The following ANKRD12 variants were observed in gnomAD, a reference collection of about 807,000 sequenced individuals.
ANKRD12 encodes ankyrin repeat domain-containing protein 12.
In ANKRD12, 85 loss-of-function variants were observed where a neutral mutation model predicts 183.4. The observed-to-expected ratio is 0.46, with a 90% CI of 0.39 to 0.56. ANKRD12 has a LOEUF of 0.56. ANKRD12 is among the 20% of genes least tolerant of loss of function. ANKRD12 has a pLI of 0.00. For synonymous variants in ANKRD12, 914 were observed against 800.2 expected (o/e 1.14, Z -2.40); for missense variants, 2,405 against 2,357.1 (o/e 1.02, Z -0.42).
At chr18:9,191,141 G>A (rs1034204843) in intron 2 of ANKRD12, among the ~76,000 whole-genome samples, 5 of 152,152 alleles carry the variant, frequency 3.3e-5, no homozygotes, top group African/African-American at 1.2e-4. Flanking sequence ...TGTGATGGCT[G>A]TTGCCAGTTA....
At chr18:9,197,910 A>G (rs1307441878) in intron 3 of ANKRD12, among the ~76,000 whole-genome samples, 1 of 152,172 alleles carries the variant, frequency 6.6e-6, no homozygotes, top group Non-Finnish European at 1.5e-5. Flanking sequence ...GGCTTTATTT[A>G]TAAATTTTAG....
intron 11 of ANKRD12, among the ~76,000 whole-genome samples, chr18:9,277,248 G>C (rs546077925): frequency 6.6e-6 from 1 of 151,948 alleles, no homozygotes; most frequent in African/African-American, 2.4e-5. Flanking sequence ...TTAAGCCAAG[G>C]AGTTCGAGCC....
intron 8 of ANKRD12, among the ~76,000 whole-genome samples, chr18:9,241,055 G>T (rs755920408): frequency 1.3e-5 from 2 of 152,126 alleles, no homozygotes; most frequent in African/African-American, 2.4e-5. Context: ...AATTATTTAA[G>T]TCAAAATGTA....
chr18:9,257,071 C>G lies in ANKRD12; in HGVS notation c.3804C>G (p.Asp1268Glu). Residue 1268 changes from aspartate (D) to glutamate (E), a missense_variant, in exon 9 of 13, where the codon GAC becomes GAG. Coordinates refer to ENST00000262126, the MANE Select transcript of ANKRD12 (RefSeq NM_015208.5). Reference protein sequence around the residue: ...LHERELDSLADLPERIKPPYA... With the variant: ...LHERELDSLAELPERIKPPYA... ...AAAGGGAATTGGACAGCCTGGCTGACTTGCCGGAGCGGATTAAACCACCAT... is the reference window on the plus strand; with the variant it reads ...AAAGGGAATTGGACAGCCTGGCTGAGTTGCCGGAGCGGATTAAACCACCAT... 1 of 1,614,138 alleles carries G rather than the reference C, an allele frequency of 6.2e-7. No individual in the cohort carries two copies. The highest frequency in any genetic ancestry group is 8.5e-7 in the Non-Finnish European group (1 of 1,179,990).
At chr18:9,236,173 A>G (rs1265293989) in intron 8 of ANKRD12, among the ~76,000 whole-genome samples, 1 of 152,162 alleles carries the variant, frequency 6.6e-6, no homozygotes, top group African/African-American at 2.4e-5. Context: ...AAATATAACA[A>G]TGGTAAAGGA....
intron 1 of ANKRD12, chr18:9,137,993 G>A (rs1447775749): frequency 6.6e-6 from 1 of 152,224 alleles, no homozygotes; most frequent in African/African-American, 2.4e-5. Context: ...TAGTCACCGG[G>A]ATTGTAATTT....
chr18:9,224,079 G>T (rs1432273035), intron 8 of ANKRD12, among the ~76,000 whole-genome samples: 8 of 152,132 alleles, frequency 5.3e-5, no homozygotes, highest in Non-Finnish European at 8.8e-5. Flanking sequence ...ATGAAACCAG[G>T]AGTTGCTTTT....
chr18:9,232,813 C>A (rs1020495615), intron 8 of ANKRD12, among the ~76,000 whole-genome samples: 2 of 148,344 alleles, frequency 1.3e-5, no homozygotes, highest in East Asian at 2.0e-4. Flanking sequence ...TTTTTTCTTT[C>A]TTTATTTTTG....
chr18:9,255,961 C>T lies in ANKRD12; in HGVS notation c.2694C>T (p.Asp898=), dbSNP rs61729632. 2.6e-3 allele frequency: 4,045 copies of T among 1,565,394 alleles called. 97 individuals carry two copies. The African/African-American group carries it at 0.05, about 19-fold the overall frequency. Residue 898 remains aspartate (D), a synonymous_variant, in exon 9 of 13, where the codon GAC becomes GAT. Coordinates refer to ENST00000262126, the MANE Select transcript of ANKRD12 (RefSeq NM_015208.5). ...SKNTAAIKKT[D]DREKSREKMD... is the part of the protein sequence containing the mutation. ...ATACTGCTGCTATTAAAAAAACTGA[C>T]GACAGAGAGAAAAGTAGAGAAAAGA...
At chr18:9,230,622 C>T (rs930535595) in intron 8 of ANKRD12, among the ~76,000 whole-genome samples, 2 of 150,424 alleles carry the variant, frequency 1.3e-5, no homozygotes, top group African/African-American at 4.9e-5. Context: ...TGCTGTGTCC[C>T]CAGGTTTTGG....
chr18:9,255,179 T>G lies in ANKRD12; in HGVS notation c.1912T>G (p.Cys638Gly). ...TAGTCCAACATTTGAAAATTCAGAT[T>G]GCACACTGAAAAAAATGGATAAAGA... Reference protein sequence around the residue: ...DHSPTFENSDCTLKKMDKEGK... With the variant: ...DHSPTFENSDGTLKKMDKEGK... The change falls in exon 9 of 13, where the codon TGC (cysteine) becomes GGC (glycine). Residue 638 changes from cysteine (C) to glycine (G), a missense_variant. Physicochemically the swap from Cys to Gly is radical, Grantham distance 159 (BLOSUM62 -3). This residue lies in a region of ANKRD12 where 1,983 missense variants were observed against 1,725.9 expected (regional missense o/e 1.15). Transcript: ENST00000262126. 6.3e-7 allele frequency: 1 copy of G among 1,584,666 alleles called. No homozygotes were observed. The highest frequency in any genetic ancestry group is 1.9e-5 in the Admixed American group (1 of 52,146).
chr18:9,209,491 A>G (rs887186353), intron 5 of ANKRD12, among the ~76,000 whole-genome samples: 11 of 152,132 alleles, frequency 7.2e-5, no homozygotes, highest in African/African-American at 2.7e-4. Flanking sequence ...GAAAAAGATA[A>G]TTTTTCAGTG....
At chr18:9,219,031 C>A (rs1054504948) in intron 7 of ANKRD12, among the ~76,000 whole-genome samples, 2 of 152,146 alleles carry the variant, frequency 1.3e-5, no homozygotes, top group Admixed American at 6.6e-5. Context: ...CTTTTGTCAT[C>A]ATTTTTACCT....
chr18:9,143,626 A>G (rs1297931872), intron 1 of ANKRD12, among the ~76,000 whole-genome samples: 3 of 151,960 alleles, frequency 2.0e-5, no homozygotes, highest in Non-Finnish European at 4.4e-5. Flanking sequence ...ACGCCTGGCT[A>G]ATTTTTTGCA....
intron 8 of ANKRD12, among the ~76,000 whole-genome samples, chr18:9,249,430 A>G (rs528293140): frequency 2.5e-4 from 38 of 152,204 alleles, no homozygotes; most frequent in Admixed American, 4.6e-4. Context: ...CACAGAATGC[A>G]TTGGGGATAT....
chr18:9,212,012 A>ATATTACTTG (rs1313985078), intron 6 of ANKRD12, among the ~76,000 whole-genome samples: 5 of 152,240 alleles, frequency 3.3e-5, no homozygotes, highest in Non-Finnish European at 5.9e-5. Flanking sequence ...TTTAGTTGAC[A>ATATTACTTG]TATTACTTGC....
chr18:9,204,647 A>G (rs1327263991), intron 4 of ANKRD12, 103 bp downstream of exon 4: 14 of 880,858 alleles, frequency 1.6e-5, no homozygotes, highest in Non-Finnish European at 2.4e-5. Context: ...GCATATAGAT[A>G]TCTTTGGTTA....
At chr18:9,208,153 G>A (rs1400852378) in intron 4 of ANKRD12, among the ~76,000 whole-genome samples, 1 of 152,094 alleles carries the variant, frequency 6.6e-6, no homozygotes, top group Non-Finnish European at 1.5e-5. Context: ...AAATGATTTG[G>A]TACTTTTTTT....
chr18:9,182,535 AAAGATTTGTTGACTT>A lies in ANKRD12; in HGVS notation c.87+17_87+31del. 6.7e-7 allele frequency: 1 copy of A among 1,503,448 alleles called. No individual in the cohort carries two copies. The highest frequency in any genetic ancestry group is 1.3e-5 in the South Asian group (1 of 78,262). 93.1% of individuals were successfully genotyped at this position (1,503,448 alleles called of 1,614,324 possible). A position where few individuals can be genotyped will look rare whatever the true frequency, so the allele number is the denominator to read the frequency against. Reference sequence around the variant, plus strand: ...TGGAAGAAAGGTATATGATTATACTAAAGATTTGTTGACTTTTTGAACTGGGAAAAAGACTCCCAA... The same window carrying A: ...TGGAAGAAAGGTATATGATTATACTATTTGAACTGGGAAAAAGACTCCCAA... On this transcript the variant is annotated intron_variant, in intron 2 of 12. Transcript: ENST00000262126.
Sources: gnomAD v4.1 joint callset for allele counts (sites outside exome capture counted in the v4.1 genomes callset) on GRCh38, gnomAD v4.1.1 for gene constraint, gnomAD v4.1.1 regional missense constraint, MANE v1.5 for transcripts, NCBI Gene and HGNC (gene_info 2026-07-23, HGNC 2026-07-21) for gene names.